Variants in SLC25A21 observed in about 807,000 individuals in gnomAD.
The protein encoded by SLC25A21 is mitochondrial 2-oxodicarboxylate carrier.
In SLC25A21, 47 loss-of-function variants were observed where a neutral mutation model predicts 43.8. That is an observed-to-expected ratio of 1.07 (90% confidence interval 0.85 to 1.37). SLC25A21 has a LOEUF of 1.37. Ranked by LOEUF, SLC25A21 falls within the 40% of genes most tolerant of loss-of-function variation. The pLI, the probability that SLC25A21 is intolerant of heterozygous loss-of-function variation, is 0.00. For synonymous variants in SLC25A21, 131 were observed against 121.3 expected (o/e 1.08, Z -0.52); for missense variants, 352 against 350.2 (o/e 1.00, Z -0.04).
chr14:36,750,037 C>T (rs1431952318), intron 3 of SLC25A21, among the ~76,000 whole-genome samples: 1 of 152,100 alleles, frequency 6.6e-6, no homozygotes, highest in African/African-American at 2.4e-5. Flanking sequence ...CTCCCCAGGA[C>T]CAAATATAGG....
intron 3 of SLC25A21, among the ~76,000 whole-genome samples, chr14:36,750,918 T>G (rs182211174): frequency 6.6e-6 from 1 of 152,160 alleles, no homozygotes. Context: ...GCTTCATGCC[T>G]CTGCTCTGGC....
At chr14:36,802,427 A>G (rs1374376733) in intron 3 of SLC25A21, among the ~76,000 whole-genome samples, 2 of 152,198 alleles carry the variant, frequency 1.3e-5, no homozygotes, top group African/African-American at 4.8e-5. Flanking sequence ...AAAACTAGCT[A>G]ACAATCATTA....
intron 1 of SLC25A21, among the ~76,000 whole-genome samples, chr14:37,158,105 C>A (rs182326563): frequency 1.3e-5 from 2 of 152,154 alleles, no homozygotes; most frequent in Admixed American, 1.3e-4. Flanking sequence ...CTCCCAACAA[C>A]AACGACAAAA....
intron 3 of SLC25A21, among the ~76,000 whole-genome samples, chr14:36,776,238 C>CTTTTTTTTTTTTTTTT (rs35856297): frequency 1.0e-4 from 9 of 89,904 alleles, no homozygotes; most frequent in African/African-American, 1.5e-4. Context: ...TTCTTTCTTT[C>CTTTTTTTTTTTTTTTT]TTTTTTTTTT....
intron 1 of SLC25A21, among the ~76,000 whole-genome samples, chr14:37,161,539 T>C (rs2138949089): frequency 6.6e-6 from 1 of 152,278 alleles, no homozygotes; most frequent in South Asian, 2.1e-4. Flanking sequence ...CCTGTGAATG[T>C]GACTTTATTT....
At chr14:36,925,507 C>G (rs1892105856) in intron 1 of SLC25A21, among the ~76,000 whole-genome samples, 1 of 152,114 alleles carries the variant, frequency 6.6e-6, no homozygotes, top group South Asian at 2.1e-4. Flanking sequence ...ATAAAAGAGA[C>G]AGTTCATCAA....
At chr14:36,852,382 A>G (rs1181508075) in intron 2 of SLC25A21, among the ~76,000 whole-genome samples, 7 of 152,168 alleles carry the variant, frequency 4.6e-5, no homozygotes, top group Non-Finnish European at 4.4e-5. Flanking sequence ...GAACAATTAG[A>G]CACACCTGGT....
intron 1 of SLC25A21, among the ~76,000 whole-genome samples, chr14:37,011,973 A>C (rs1205608795): frequency 6.6e-6 from 1 of 152,152 alleles, no homozygotes. Flanking sequence ...AGACAAACTA[A>C]GTTTTTCTTC....
chr14:37,163,604 G>T (rs1963985030), intron 1 of SLC25A21, among the ~76,000 whole-genome samples: 1 of 152,108 alleles, frequency 6.6e-6, no homozygotes, highest in Non-Finnish European at 1.5e-5. Context: ...TCAAAATCTA[G>T]TACAACTGTA....
chr14:37,067,041 G>T (rs1027455427), intron 1 of SLC25A21, among the ~76,000 whole-genome samples: 1 of 152,174 alleles, frequency 6.6e-6, no homozygotes, highest in East Asian at 1.9e-4. Context: ...GGAAAAAAAT[G>T]TAAATACGAA....
intron 1 of SLC25A21, among the ~76,000 whole-genome samples, chr14:37,137,991 T>G (rs1401797360): frequency 6.6e-6 from 1 of 152,218 alleles, no homozygotes; most frequent in East Asian, 1.9e-4. Flanking sequence ...CTTTTACTTA[T>G]GTTGCTTACA....
intron 7 of SLC25A21, among the ~76,000 whole-genome samples, chr14:36,698,544 G>A (rs1314528469): frequency 2.6e-5 from 4 of 152,126 alleles, no homozygotes; most frequent in Admixed American, 6.5e-5. Context: ...TCACTTTCAG[G>A]TACACCAATC....
chr14:36,691,200 CAT>C (rs779567068), intron 7 of SLC25A21, among the ~76,000 whole-genome samples: 8 of 152,186 alleles, frequency 5.3e-5, no homozygotes, highest in Admixed American at 2.6e-4. Context: ...GTTTTAGAGA[CAT>C]GTGCACTTGC....
At position 36,923,056 on chromosome 14, in the gene SLC25A21, C is replaced by T. The variant is rs142280254; in HGVS notation, c.71-48052G>A. ...AAATTAGTAGACAAGGCTTTTAGAG[C>T]AGCTATAATAAACATAGTCAAAGAT... On this transcript the variant is annotated intron_variant, in intron 1 of 9. Transcript: ENST00000331299. 2.6e-5 allele frequency among the ~76,000 whole-genome samples: 4 copies of T among 151,708 alleles called. No homozygotes were observed. The East Asian group carries it at 7.8e-4, about 29-fold the overall frequency.
At chr14:36,848,543 G>C (rs1889619836) in intron 2 of SLC25A21, among the ~76,000 whole-genome samples, 1 of 152,094 alleles carries the variant, frequency 6.6e-6, no homozygotes, top group South Asian at 2.1e-4. Context: ...TAGGTTTGTG[G>C]AATGCAATTC....
chr14:37,084,363 G>A (rs1962444108), intron 1 of SLC25A21, among the ~76,000 whole-genome samples: 1 of 152,192 alleles, frequency 6.6e-6, no homozygotes, highest in Non-Finnish European at 1.5e-5. Flanking sequence ...TGAACTGGTG[G>A]TAGGGGCAGT....
intron 1 of SLC25A21, among the ~76,000 whole-genome samples, chr14:37,014,358 G>C (rs1331396929): frequency 6.6e-6 from 1 of 152,088 alleles, no homozygotes; most frequent in Non-Finnish European, 1.5e-5. Context: ...TCAATCCTTT[G>C]TTGTCATTTC....
intron 1 of SLC25A21, among the ~76,000 whole-genome samples, chr14:37,112,962 CAA>C (rs58168868): frequency 2.0e-5 from 3 of 147,556 alleles, no homozygotes; most frequent in African/African-American, 7.4e-5. Flanking sequence ...AAAATGGAAA[CAA>C]AAAAAAAATC....
At chr14:37,167,332 G>A (rs939163048) in intron 1 of SLC25A21, among the ~76,000 whole-genome samples, 2 of 152,000 alleles carry the variant, frequency 1.3e-5, no homozygotes, top group Non-Finnish European at 2.9e-5. Flanking sequence ...AATGACTTGG[G>A]GCCCTTCCAA....
Sources: gnomAD v4.1 joint callset for allele counts (sites outside exome capture counted in the v4.1 genomes callset) on GRCh38, gnomAD v4.1.1 for gene constraint, MANE v1.5 for transcripts, NCBI Gene and HGNC (gene_info 2026-07-23, HGNC 2026-07-21) for gene names.